HERC1: variants seen among roughly 807,000 people sequenced by gnomAD.
HERC1 encodes the protein HECT and RLD domain containing E3 ubiquitin protein ligase family member 1, also known as probable E3 ubiquitin-protein ligase HERC1.
HERC1 carries 160 observed loss-of-function variants against 554.3 expected under a neutral mutation model. The ratio of observed to expected loss-of-function variants is 0.29; its 90% CI spans 0.25 to 0.33. The LOEUF (loss-of-function observed/expected upper bound fraction) is 0.33, where lower values mean the gene tolerates loss of function less well. Among genes scored for constraint, HERC1 ranks in the 10% least tolerant of loss-of-function variants. HERC1 has a pLI of 1.00. For synonymous variants in HERC1, 2,175 were observed against 2,131.7 expected (o/e 1.02, Z -0.56); for missense variants, 4,919 against 5,918.5 (o/e 0.83, Z 5.54).
chr15:63,619,028 C>T (rs1299474525), intron 74 of HERC1, among the ~76,000 whole-genome samples: 1 of 151,848 alleles, frequency 6.6e-6, no homozygotes, highest in Non-Finnish European at 1.5e-5. Flanking sequence ...ACTTCCAACA[C>T]TATGTTGAAT....
At chr15:63,825,729 C>T (rs541225609) in intron 1 of HERC1, among the ~76,000 whole-genome samples, 2 of 152,006 alleles carry the variant, frequency 1.3e-5, no homozygotes, top group Admixed American at 1.3e-4. Flanking sequence ...CTGGGAACAT[C>T]AGTTCATTAG....
At chr15:63,806,745 G>T (rs2077151440) in intron 1 of HERC1, among the ~76,000 whole-genome samples, 1 of 152,202 alleles carries the variant, frequency 6.6e-6, no homozygotes, top group Admixed American at 6.5e-5. Context: ...CTTTGTTGTT[G>T]TAAGTTGGAA....
rs1466005226 is a variant in HERC1 at position 63,651,244 on chromosome 15, G to A, written c.10546+9C>T. ...TTCAGCAGTTTACTAGTGTTTACATGACTCTTACCATTAACTTGCCAGATA... is the reference window on the plus strand; with the variant it reads ...TTCAGCAGTTTACTAGTGTTTACATAACTCTTACCATTAACTTGCCAGATA... On this transcript the variant is annotated intron_variant, in intron 53 of 77. Coordinates refer to ENST00000443617, the MANE Select transcript of HERC1 (RefSeq NM_003922.4). The A allele has an allele frequency of 4.3e-6, 7 of 1,613,212 alleles. No individual in the cohort carries two copies. The highest frequency in any genetic ancestry group is 5.1e-6 in the Non-Finnish European group (6 of 1,179,620).
At chr15:63,820,172 A>G (rs962727397) in intron 1 of HERC1, among the ~76,000 whole-genome samples, 18 of 152,234 alleles carry the variant, frequency 1.2e-4, no homozygotes, top group Middle Eastern at 3.2e-3. Flanking sequence ...GTGACTGCAC[A>G]GTAAATGTTC....
chr15:63,718,366 T>G lies in HERC1; in HGVS notation c.3978+208A>C. The G allele has an allele frequency of 2.2e-6, 1 of 454,470 alleles. No individual in the cohort carries two copies. The highest frequency in any genetic ancestry group is 3.8e-5 in the Admixed American group (1 of 26,182). 28.2% of individuals were successfully genotyped at this position (454,470 alleles called of 1,614,324 possible). ...AATATTTATGCAGCCAACTAAAGTT[T>G]CTTAGAACCAATATCACACTTGGTA... On this transcript the variant is annotated intron_variant, in intron 21 of 77. Coordinates refer to ENST00000443617, the MANE Select transcript of HERC1 (RefSeq NM_003922.4). The surrounding 1 kb of genome is among the most constrained non-coding windows in gnomAD (Gnocchi z 4.2).
chr15:63,718,952 G>T lies in HERC1; in HGVS notation c.3743-55C>A. The T allele has an allele frequency of 7.9e-7, 1 of 1,266,218 alleles. No homozygotes were observed. The highest frequency in any genetic ancestry group is 1.1e-6 in the Non-Finnish European group (1 of 893,152). The allele number at this position is 1,266,218 out of a possible 1,614,324, so 78.4% of individuals were successfully genotyped here. A position where few individuals can be genotyped will look rare whatever the true frequency, so the allele number is the denominator to read the frequency against. ...AAAAGGGCTCAGAAAACAGTTCAGAGGTAATTTTTATAGCTTTAGTCATCC... is the reference window on the plus strand; with the variant it reads ...AAAAGGGCTCAGAAAACAGTTCAGATGTAATTTTTATAGCTTTAGTCATCC... On this transcript the variant is annotated intron_variant, in intron 19 of 77. Transcript: ENST00000443617. The surrounding 1 kb of genome is among the most constrained non-coding windows in gnomAD (Gnocchi z 4.2).
rs1031839883 is a variant in HERC1, at chr15:63,637,344, T to C, written c.12232+161A>G. ...GTAACCTGCAATATAGCTTAAAATA[T>C]GGAAATTAAGGCTGCACACATGCCT... On this transcript the variant is annotated intron_variant, in intron 64 of 77. Coordinates refer to ENST00000443617, the MANE Select transcript of HERC1 (RefSeq NM_003922.4). Among the ~76,000 whole-genome samples the C allele has an allele frequency of 2.6e-5, 4 of 152,334 alleles. No homozygotes were observed. The South Asian group carries it at 8.3e-4, about 32-fold the overall frequency.
At chr15:63,789,073 A>AT (rs1469330088) in intron 1 of HERC1, among the ~76,000 whole-genome samples, 1 of 145,470 alleles carries the variant, frequency 6.9e-6, no homozygotes, top group East Asian at 2.0e-4. Flanking sequence ...AAGCAGGAAT[A>AT]AAAGGTTTTT....
At chr15:63,625,646 A>G (rs913362617) in intron 71 of HERC1, among the ~76,000 whole-genome samples, 1 of 146,126 alleles carries the variant, frequency 6.8e-6, no homozygotes, top group Non-Finnish European at 1.5e-5. Context: ...GTGAGCTGAG[A>G]TTGCGCCACT....
chr15:63,718,683 C>T lies in HERC1; in HGVS notation c.3869G>A (p.Gly1290Asp), dbSNP rs750074156. 2 of 1,602,626 alleles carry T rather than the reference C, an allele frequency of 1.2e-6. No homozygotes were observed. Among genetic ancestry groups the T allele is most frequent in the Non-Finnish European group, 1.7e-6 (2 of 1,172,302 alleles). Residue 1290 changes from glycine to aspartate, a missense_variant, in exon 21 of 78, where the codon GGT (glycine) becomes GAT (aspartate). Around this residue, in one of 11 missense-constraint regions of HERC1, gnomAD observed 1,121 missense variants for 1,244.0 expected, o/e 0.90. Transcript: ENST00000443617. This position sits in a 1 kb window ranked among gnomAD's most constrained non-coding sequence, Gnocchi z 4.2. ...ACGGTACACTTCTGATAAGTGTTTA[C>T]CAGGTTGATATCTAAATGAAGAACC... is the stretch of plus-strand genomic sequence containing the variant. The part of the protein sequence containing the change: ...QACGESRYQP[G>D]KHLSEVYRCV...
chr15:63,697,059 T>C (rs1480324464), intron 26 of HERC1, among the ~76,000 whole-genome samples: 3 of 152,192 alleles, frequency 2.0e-5, no homozygotes, highest in Non-Finnish European at 2.9e-5. Flanking sequence ...TACATAACCA[T>C]GGTACATTTA....
chr15:63,713,860 T>A (rs1205947810), intron 22 of HERC1, 195 bp from the exon 23 acceptor site: 4 of 495,508 alleles, frequency 8.1e-6, no homozygotes, highest in African/African-American at 5.8e-5. Flanking sequence ...TATATTTTCA[T>A]AAAAATTACA....
At position 63,608,654 on chromosome 15, in the gene HERC1, G is replaced by T. The variant is rs970081660; in HGVS notation, c.*427C>A. On this transcript the variant is annotated 3_prime_UTR_variant, in exon 78 of 78. Coordinates refer to ENST00000443617, the MANE Select transcript of HERC1 (RefSeq NM_003922.4). Reference sequence around the variant, plus strand: ...AATCTGCTTTATTTCTCTGCATAAGGAACCCTGAACAGGCAATTCAAATTA... The same window carrying T: ...AATCTGCTTTATTTCTCTGCATAAGTAACCCTGAACAGGCAATTCAAATTA... 6.4e-6 allele frequency: 1 copy of T among 155,778 alleles called. No homozygotes were observed. The highest frequency in any genetic ancestry group is 1.4e-5 in the Non-Finnish European group (1 of 70,116). The allele number at this position is 155,778 out of a possible 1,614,324, so 9.6% of individuals were successfully genotyped here. A position where few individuals can be genotyped will look rare whatever the true frequency, so the allele number is the denominator to read the frequency against.
rs1168455310 is a variant in HERC1, at chr15:63,754,729, G to A, written c.1631-81C>T. 6 of 1,301,202 alleles carry A rather than the reference G, an allele frequency of 4.6e-6. No individual in the cohort carries two copies. The African/African-American group carries it at 6.0e-5, about 13-fold the overall frequency. The allele number at this position is 1,301,202 out of a possible 1,614,324, so 80.6% of individuals were successfully genotyped here. A position where few individuals can be genotyped will look rare whatever the true frequency, so the allele number is the denominator to read the frequency against. ...CCTTGACTTCACAAGTATAATAAATGTTACAACTTTAAAATAGAATTGAGA... is the reference window on the plus strand; with the variant it reads ...CCTTGACTTCACAAGTATAATAAATATTACAACTTTAAAATAGAATTGAGA... On this transcript the variant is annotated intron_variant, in intron 6 of 77. Transcript: ENST00000443617.
chr15:63,696,833 C>T (rs1198205850), intron 26 of HERC1, among the ~76,000 whole-genome samples: 1 of 151,402 alleles, frequency 6.6e-6, no homozygotes, highest in Non-Finnish European at 1.5e-5. Context: ...ATGAGAAATA[C>T]TTCTGAACTA....
chr15:63,620,610 T>C (rs2068033368), intron 74 of HERC1, among the ~76,000 whole-genome samples: 1 of 152,106 alleles, frequency 6.6e-6, no homozygotes, highest in Admixed American at 6.5e-5. Context: ...AGTCTCCCAT[T>C]ATTATTGTGT....
At chr15:63,636,393 C>G (rs1365636490) in intron 64 of HERC1, among the ~76,000 whole-genome samples, 2 of 151,752 alleles carry the variant, frequency 1.3e-5, no homozygotes, top group East Asian at 3.9e-4. Flanking sequence ...GCCTCAGCCT[C>G]CTGAGTAGCT....
In HERC1 at chr15:63,674,893, G is replaced by A. The variant is rs1259950800; in HGVS notation, c.7295C>T (p.Pro2432Leu). 6.2e-7 allele frequency: 1 copy of A among 1,613,996 alleles called. No homozygotes were observed. The highest frequency in any genetic ancestry group is 1.1e-5 in the South Asian group (1 of 91,084). Residue 2432 changes from proline to leucine, a missense_variant, in exon 38 of 78, where the codon CCT (proline) becomes CTT (leucine). Physicochemically the swap from Pro to Leu is moderately conservative, Grantham distance 98. Around this residue, in one of 11 missense-constraint regions of HERC1, gnomAD observed 1,963 missense variants for 2,228.6 expected, o/e 0.88. Coordinates refer to ENST00000443617, the MANE Select transcript of HERC1 (RefSeq NM_003922.4). ...CATATCTAAAGCGGATTCACTCTCA[G>A]GTTTCTGCTCAACATCCCCTTTCTC... ...SEEKGDVEQK[P>L]ESESALDMRT...
chr15:63,817,181 A>G (rs1488076956), intron 1 of HERC1, among the ~76,000 whole-genome samples: 7 of 152,216 alleles, frequency 4.6e-5, no homozygotes. Flanking sequence ...AAACTACTGT[A>G]AAGTATGAAC....
Sources: allele counts gnomAD v4.1 joint callset (sites outside exome capture counted in the v4.1 genomes callset), GRCh38; gene constraint gnomAD v4.1.1; regional missense constraint gnomAD v4.1.1; non-coding constraint Gnocchi (gnomAD v3.1); transcripts MANE v1.5; gene names NCBI Gene and HGNC (gene_info 2026-07-23, HGNC 2026-07-21).